Variants in ZNF618 observed in about 807,000 individuals in gnomAD.
ZNF618 encodes zinc finger protein 618.
ZNF618 carries 34 observed loss-of-function variants against 103.0 expected under a neutral mutation model. The observed-to-expected ratio is 0.33, with a 90% CI of 0.25 to 0.44. ZNF618 has a LOEUF of 0.44. Ranked by LOEUF, ZNF618 falls within the 20% of genes least tolerant of loss-of-function variation. The pLI is 1.00. For missense variants in ZNF618, 1,059 were observed against 1,295.4 expected, an observed-to-expected ratio of 0.82 and a Z score of 2.80; for synonymous variants, 551 against 542.2, an observed-to-expected ratio of 1.02 and a Z score of -0.23.
At chr9:113,939,292 TTTGTTG>T (rs140858075) in intron 1 of ZNF618, among the ~76,000 whole-genome samples, 1 of 152,090 alleles carries the variant, frequency 6.6e-6, no homozygotes, top group East Asian at 1.9e-4. Context: ...TTGTTGTTTG[TTTGTTG>T]TTGTTGTTGT....
intron 1 of ZNF618, among the ~76,000 whole-genome samples, chr9:113,881,879 C>T (rs1353471839): frequency 3.3e-5 from 5 of 152,210 alleles, no homozygotes; most frequent in Non-Finnish European, 7.3e-5. Context: ...GGTTAGGCCA[C>T]TGTGCTGTAG....
At chr9:113,969,963 G>A (rs1227177368) in intron 2 of ZNF618, among the ~76,000 whole-genome samples, 5 of 152,168 alleles carry the variant, frequency 3.3e-5, no homozygotes, top group Non-Finnish European at 7.3e-5. Context: ...GGGTCAGATT[G>A]TGAATGCCAA....
intron 2 of ZNF618, among the ~76,000 whole-genome samples, chr9:113,970,144 A>G (rs1026574678): frequency 6.6e-6 from 1 of 152,208 alleles, no homozygotes; most frequent in East Asian, 1.9e-4. Context: ...ATCTTTTAAT[A>G]TGCTAATGTG....
At chr9:113,922,701 T>C (rs1832754242) in intron 1 of ZNF618, among the ~76,000 whole-genome samples, 1 of 152,212 alleles carries the variant, frequency 6.6e-6, no homozygotes, top group African/African-American at 2.4e-5. Flanking sequence ...TTGTTTACTG[T>C]ACCTTTATAG....
intron 2 of ZNF618, among the ~76,000 whole-genome samples, chr9:113,981,016 A>G (rs547365112): frequency 2.0e-5 from 3 of 152,328 alleles, no homozygotes; most frequent in Admixed American, 6.5e-5. Flanking sequence ...GTGAGTGGGA[A>G]GTGGGTAGAG....
chr9:114,018,012 T>C (rs186323376), intron 10 of ZNF618, among the ~76,000 whole-genome samples: 5 of 152,320 alleles, frequency 3.3e-5, no homozygotes, highest in Admixed American at 2.6e-4. Context: ...TCTGTGACCT[T>C]GTGCCTGTTG....
At chr9:113,936,814 A>AT (rs932297245) in intron 1 of ZNF618, among the ~76,000 whole-genome samples, 5 of 151,296 alleles carry the variant, frequency 3.3e-5, no homozygotes, top group Non-Finnish European at 5.9e-5. Context: ...TCTATTTATT[A>AT]TTTTTTTAGC....
At chr9:113,890,885 ATATGT>A (rs1355966007) in intron 1 of ZNF618, among the ~76,000 whole-genome samples, 1 of 152,090 alleles carries the variant, frequency 6.6e-6, no homozygotes, top group Non-Finnish European at 1.5e-5. Flanking sequence ...ATTTTGGTTG[ATATGT>A]TTTACTTGCA....
intron 1 of ZNF618, among the ~76,000 whole-genome samples, chr9:113,949,610 C>G (rs925470803): frequency 2.0e-5 from 3 of 152,156 alleles, no homozygotes; most frequent in Non-Finnish European, 4.4e-5. Flanking sequence ...GATTTCTGTC[C>G]CCAGGGGTTG....
intron 2 of ZNF618, among the ~76,000 whole-genome samples, chr9:113,983,285 T>G (rs1313071642): frequency 6.6e-6 from 1 of 152,088 alleles, no homozygotes; most frequent in Non-Finnish European, 1.5e-5. Flanking sequence ...TAACTCAAAG[T>G]GATATAAGTA....
intron 1 of ZNF618, among the ~76,000 whole-genome samples, chr9:113,898,043 T>C (rs1830193253): frequency 6.6e-6 from 1 of 152,208 alleles, no homozygotes. Context: ...TCCACCCGCC[T>C]CAGCCTCCCA....
intron 1 of ZNF618, among the ~76,000 whole-genome samples, chr9:113,951,955 T>C (rs553550836): frequency 6.6e-6 from 1 of 152,296 alleles, no homozygotes; most frequent in East Asian, 1.9e-4. Flanking sequence ...AGCCCCGCTT[T>C]CTTTCAGTGA....
At chr9:114,031,609 A>G (rs578017964) in intron 11 of ZNF618, among the ~76,000 whole-genome samples, 1 of 152,332 alleles carries the variant, frequency 6.6e-6, no homozygotes, top group South Asian at 2.1e-4. Context: ...TTTGTGAGAT[A>G]TTTCAGAATC....
chr9:114,002,537 G>A, intron 5 of ZNF618, 87 bp from the exon 6 acceptor site: 1 of 1,451,964 alleles, frequency 6.9e-7, no homozygotes. Flanking sequence ...CTTCCCCTGT[G>A]GCTTCCATGT....
intron 11 of ZNF618, among the ~76,000 whole-genome samples, chr9:114,031,502 C>T (rs1286180085): frequency 1.3e-5 from 2 of 152,224 alleles, no homozygotes; most frequent in Non-Finnish European, 2.9e-5. Flanking sequence ...TGACCATCCG[C>T]AACCCTGGCA....
intron 13 of ZNF618, among the ~76,000 whole-genome samples, chr9:114,043,300 G>T (rs1341251683): frequency 6.6e-6 from 1 of 152,210 alleles, no homozygotes; most frequent in African/African-American, 2.4e-5. Context: ...GTGAGGAATT[G>T]CCAGATTGTT....
chr9:113,878,350 A>G (rs1828155464), intron 1 of ZNF618, among the ~76,000 whole-genome samples: 1 of 152,218 alleles, frequency 6.6e-6, no homozygotes, highest in Non-Finnish European at 1.5e-5. Context: ...TTTAGCAGCA[A>G]CAAAATAAAG....
At position 114,054,902 on chromosome 9, in the gene ZNF618, T is replaced by G. The variant is rs1191189349; in HGVS notation, c.*4735T>G. 6.6e-6 allele frequency: 1 copy of G among 152,012 alleles called. No individual in the cohort carries two copies. Among genetic ancestry groups the G allele is most frequent in the Non-Finnish European group, 1.5e-5 (1 of 68,004 alleles). The allele number at this position is 152,012 out of a possible 1,614,324, so 9.4% of individuals were successfully genotyped here. ...TTTAATGAGGGTGAAGATTGTCAGG[T>G]CACTGTTTGACATATTCATGCCCCG... is the stretch of plus-strand genomic sequence containing the variant. On this transcript the variant is annotated 3_prime_UTR_variant, in exon 15 of 15. Coordinates refer to ENST00000374126, the MANE Select transcript of ZNF618 (RefSeq NM_001318042.2).
In ZNF618 at chr9:114,056,350, T is replaced by C. The variant is rs757171476; in HGVS notation, c.*6183T>C. 1 of 152,208 alleles carries C rather than the reference T, an allele frequency of 6.6e-6. No individual in the cohort carries two copies. The highest frequency in any genetic ancestry group is 1.5e-5 in the Non-Finnish European group (1 of 68,036). 9.4% of individuals were successfully genotyped at this position (152,208 alleles called of 1,614,324 possible). A position where few individuals can be genotyped will look rare whatever the true frequency, so the allele number is the denominator to read the frequency against. ...AATGTTGCTGTTTTTACCTGTCTGT[T>C]CTTGTCCAAAAGTGGAACATTCCCA... is the stretch of plus-strand genomic sequence containing the variant. On this transcript the variant is annotated 3_prime_UTR_variant, in exon 15 of 15. Transcript: ENST00000374126.
Sources: allele counts gnomAD v4.1 joint callset (sites outside exome capture counted in the v4.1 genomes callset), GRCh38; gene constraint gnomAD v4.1.1; transcripts MANE v1.5; gene names NCBI Gene and HGNC (gene_info 2026-07-23, HGNC 2026-07-21).